Variants in RORA observed in about 807,000 individuals in gnomAD.
RORA encodes nuclear receptor ROR-alpha.
Under a neutral mutation model 69.5 loss-of-function variants are expected in RORA, and 7 were observed. The observed-to-expected ratio is 0.10, with a 90% CI of 0.06 to 0.19. RORA has a LOEUF of 0.19. Ranked by LOEUF, RORA falls within the 10% of genes least tolerant of loss-of-function variation. RORA has a pLI of 1.00. For synonymous variants in RORA, 261 were observed against 240.8 expected (o/e 1.08, Z -0.78); for missense variants, 457 against 663.0 (o/e 0.69, Z 3.41).
chr15:60,815,337 T>C (rs998056758), intron 1 of RORA, among the ~76,000 whole-genome samples: 2 of 152,192 alleles, frequency 1.3e-5, no homozygotes, highest in Non-Finnish European at 2.9e-5. Context: ...TGTCTCTCCC[T>C]GGCAAAACAA....
At chr15:60,689,199 A>G (rs914786334) in intron 1 of RORA, among the ~76,000 whole-genome samples, 6 of 152,324 alleles carry the variant, frequency 3.9e-5, no homozygotes, top group Non-Finnish European at 8.8e-5. Flanking sequence ...GATTATCAAA[A>G]GGTATAGGCA....
intron 1 of RORA, among the ~76,000 whole-genome samples, chr15:60,775,447 T>C (rs1009909866): frequency 6.6e-6 from 1 of 152,248 alleles, no homozygotes; most frequent in African/African-American, 2.4e-5. Context: ...GACACTACAA[T>C]TAACACGTTC....
chr15:61,012,567 A>G (rs1426072768), intron 1 of RORA, among the ~76,000 whole-genome samples: 1 of 152,256 alleles, frequency 6.6e-6, no homozygotes, highest in African/African-American at 2.4e-5. Context: ...CTTTAATAAT[A>G]GACTTGTAGG....
intron 1 of RORA, among the ~76,000 whole-genome samples, chr15:60,947,021 G>T (rs1892905212): frequency 7.6e-6 from 1 of 132,278 alleles, no homozygotes; most frequent in African/African-American, 2.6e-5. Context: ...GGAGGTGGGG[G>T]GCCAGCCCCC....
intron 2 of RORA, among the ~76,000 whole-genome samples, chr15:60,674,606 T>G (rs1021663059): frequency 6.6e-6 from 1 of 152,272 alleles, no homozygotes; most frequent in Non-Finnish European, 1.5e-5. Flanking sequence ...CTAAATCTTT[T>G]TATAAATAAC....
chr15:61,227,467 T>C (rs1179017638), intron 1 of RORA, among the ~76,000 whole-genome samples: 1 of 151,922 alleles, frequency 6.6e-6, no homozygotes, highest in African/African-American at 2.4e-5. Context: ...GCGGTCACCC[T>C]TTGGAAATCG....
chr15:60,625,995 G>A (rs771083304), intron 2 of RORA, among the ~76,000 whole-genome samples: 1 of 152,240 alleles, frequency 6.6e-6, no homozygotes, highest in Non-Finnish European at 1.5e-5. Flanking sequence ...TCGACAAGTT[G>A]TGTCTTCAGA....
At chr15:60,930,758 G>A (rs1428034256) in intron 1 of RORA, among the ~76,000 whole-genome samples, 1 of 152,182 alleles carries the variant, frequency 6.6e-6, no homozygotes, top group East Asian at 1.9e-4. Context: ...CTTTGTATGT[G>A]GTGACTGTCA....
Position 60,492,635 on chromosome 15 carries a change from C to T in RORA, c.*4820G>A, listed in dbSNP as rs192062197. 2.0e-5 allele frequency: 3 copies of T among 151,914 alleles called. No individual in the cohort carries two copies. The East Asian group carries it at 5.8e-4, about 29-fold the overall frequency. 9.4% of individuals were successfully genotyped at this position (151,914 alleles called of 1,614,324 possible). A position where few individuals can be genotyped will look rare whatever the true frequency, so the allele number is the denominator to read the frequency against. On this transcript the variant is annotated 3_prime_UTR_variant, in exon 11 of 11. Transcript: ENST00000335670. ...TTGAAATAGTTTTTAACATATGATGCTATATATATATTTATCATGAATATT... is the reference window on the plus strand; with the variant it reads ...TTGAAATAGTTTTTAACATATGATGTTATATATATATTTATCATGAATATT...
chr15:61,229,061 G>T lies in RORA; in HGVS notation c.158C>A (p.Thr53Asn). ...APVRRQSYSSTSRGISVTKKT... is the reference protein window; with the variant it reads ...APVRRQSYSSNSRGISVTKKT... ...CCTCTCCAGCCTCCTACCTCTGCTG[G>T]TGCTGGAATAGCTCTGTCTGCGCAC... Residue 53 changes from threonine (T) to asparagine (N), a missense_variant, in exon 1 of 11, where the codon ACC (threonine) becomes AAC (asparagine). By Grantham distance (65) the Thr-to-Asn change is moderately conservative. Around this residue, in one of 3 missense-constraint regions of RORA, gnomAD observed 119 missense variants for 92.4 expected, o/e 1.29. Coordinates refer to ENST00000335670, the MANE Select transcript of RORA (RefSeq NM_134261.3). 6.5e-7 allele frequency: 1 copy of T among 1,526,966 alleles called. No individual in the cohort carries two copies. The highest frequency in any genetic ancestry group is 8.8e-7 in the Non-Finnish European group (1 of 1,137,326). The allele number at this position is 1,526,966 out of a possible 1,614,324, so 94.6% of individuals were successfully genotyped here. A position where few individuals can be genotyped will look rare whatever the true frequency, so the allele number is the denominator to read the frequency against.
intron 1 of RORA, among the ~76,000 whole-genome samples, chr15:61,037,903 T>C (rs963890682): frequency 1.3e-5 from 2 of 152,174 alleles, no homozygotes; most frequent in Admixed American, 6.5e-5. Context: ...CATGCCATTG[T>C]GAGAGATCAA....
rs1288216631 is a variant in RORA, at chr15:60,662,960, G to GCT, written c.196+15696_196+15697insAG. 2.0e-5 allele frequency among the ~76,000 whole-genome samples: 3 copies of GCT among 152,150 alleles called. No individual in the cohort carries two copies. The East Asian group carries it at 5.8e-4, about 29-fold the overall frequency. On this transcript the variant is annotated intron_variant, in intron 2 of 10. Transcript: ENST00000335670. The stretch of plus-strand genomic sequence containing the variant: ...TCCTTAGCTAAAGTGGAGCTGCCTT[G>GCT]CCCAAGGTTATGCCCTTAGGTGCAG...
At chr15:61,192,923 A>C (rs2079813809) in intron 1 of RORA, among the ~76,000 whole-genome samples, 1 of 152,184 alleles carries the variant, frequency 6.6e-6, no homozygotes, top group Non-Finnish European at 1.5e-5. Context: ...GTGATTGGTC[A>C]ACAGAACAGT....
chr15:61,148,189 G>T (rs1246558599), intron 1 of RORA, among the ~76,000 whole-genome samples: 1 of 152,174 alleles, frequency 6.6e-6, no homozygotes, highest in Non-Finnish European at 1.5e-5. Context: ...TGAGGATCAG[G>T]CCACAGCAGT....
intron 1 of RORA, chr15:61,181,185 A>G (rs950667469): frequency 6.6e-6 from 1 of 152,132 alleles, no homozygotes; most frequent in Non-Finnish European, 1.5e-5. Flanking sequence ...AATGCTAAGG[A>G]ATACTAAGAC....
intron 1 of RORA, among the ~76,000 whole-genome samples, chr15:60,934,344 A>T (rs1488189598): frequency 6.6e-6 from 1 of 152,222 alleles, no homozygotes; most frequent in Non-Finnish European, 1.5e-5. Context: ...CAGTATTCTC[A>T]AACTTTAGCA....
At chr15:60,505,780 T>G (rs1293197870) in intron 5 of RORA, 151 bp from the exon 6 acceptor site, 1 of 896,482 alleles carries the variant, frequency 1.1e-6, no homozygotes, top group African/African-American at 1.7e-5. Context: ...AATTTGGAAC[T>G]GTTTTGTATT....
At position 60,656,319 on chromosome 15, in the gene RORA, T is replaced by G. The variant is rs181394720; in HGVS notation, c.196+22338A>C. ...AGCATGCATATGTGTCTGCCTTGTT[T>G]CATTATGTAATGGTACAGCGAGTTT... On this transcript the variant is annotated intron_variant, in intron 2 of 10. Transcript: ENST00000335670. Among the ~76,000 whole-genome samples, 107 of 152,318 alleles carry G rather than the reference T, an allele frequency of 7.0e-4. No homozygotes were observed. In the East Asian group the frequency reaches 0.02, roughly 28 times the overall value.
chr15:60,883,127 T>C (rs1182346264), intron 1 of RORA, among the ~76,000 whole-genome samples: 1 of 16,858 alleles, frequency 5.9e-5, no homozygotes, highest in Non-Finnish European at 1.0e-4. Flanking sequence ...AGAGACATCG[T>C]CTCAAAAAAA....
Sources: allele counts gnomAD v4.1 joint callset (sites outside exome capture counted in the v4.1 genomes callset), GRCh38; gene constraint gnomAD v4.1.1; regional missense constraint gnomAD v4.1.1; transcripts MANE v1.5; gene names NCBI Gene and HGNC (gene_info 2026-07-23, HGNC 2026-07-21).